CSTF3: variants seen among roughly 807,000 people sequenced by gnomAD.
The protein encoded by CSTF3 is CF-1 77 kDa subunit.
Under a neutral mutation model 105.8 loss-of-function variants are expected in CSTF3, and 29 were observed. That is an observed-to-expected ratio of 0.27 (90% CI 0.20 to 0.37). The LOEUF is 0.37. CSTF3 is among the 10% of genes least tolerant of loss of function. The pLI is 1.00. For synonymous variants in CSTF3, 252 were observed against 281.9 expected (o/e 0.89, Z 1.06); for missense variants, 357 against 879.3 (o/e 0.41, Z 7.51).
Position 33,161,445 on chromosome 11 carries a change from C to T in CSTF3, c.-120G>A, listed in dbSNP as rs1201815176. 1.0e-6 allele frequency: 1 copy of T among 1,003,394 alleles called. No individual in the cohort carries two copies. 62.2% of individuals were successfully genotyped at this position (1,003,394 alleles called of 1,614,324 possible). A position where few individuals can be genotyped will look rare whatever the true frequency, so the allele number is the denominator to read the frequency against. ...CCCCTGCCCAGCTGAGCCAGACCGCCAACACCAATCGCCACCGCCCACTCA... is the reference window on the plus strand; with the variant it reads ...CCCCTGCCCAGCTGAGCCAGACCGCTAACACCAATCGCCACCGCCCACTCA... On this transcript the variant is annotated 5_prime_UTR_variant, in exon 1 of 21. Transcript: ENST00000323959.
intron 3 of CSTF3, among the ~76,000 whole-genome samples, chr11:33,115,233 A>G (rs189829142): frequency 3.3e-5 from 5 of 152,298 alleles, no homozygotes; most frequent in Middle Eastern, 3.4e-3. Context: ...ACTTGTATTA[A>G]TTATCCAAAA....
intron 1 of CSTF3, among the ~76,000 whole-genome samples, chr11:33,145,155 G>A (rs935775023): frequency 4.6e-5 from 7 of 152,058 alleles, no homozygotes; most frequent in East Asian, 1.9e-4. Context: ...AAATGCAGCC[G>A]GATGCAGAGG....
At chr11:33,127,160 T>C (rs1855551807) in intron 3 of CSTF3, among the ~76,000 whole-genome samples, 1 of 152,198 alleles carries the variant, frequency 6.6e-6, no homozygotes, top group South Asian at 2.1e-4. Flanking sequence ...GACTTTACTA[T>C]TAATATGTGG....
intron 1 of CSTF3, among the ~76,000 whole-genome samples, chr11:33,150,057 A>ACAAC (rs3060635): frequency 1.4e-5 from 2 of 144,852 alleles, no homozygotes; most frequent in East Asian, 2.1e-4. Context: ...AACAACAACA[A>ACAAC]AACAAAAATT....
rs1243467768 is a variant in CSTF3, at chr11:33,099,274, C to T, written c.937-124G>A. ...CTAAGAAAGCATACATGTATGTACA[C>T]ACATATATATGTATCCACACACACA... On this transcript the variant is annotated intron_variant, in intron 11 of 20. Coordinates refer to ENST00000323959, the MANE Select transcript of CSTF3 (RefSeq NM_001326.3). This position sits in a 1 kb window ranked among gnomAD's most constrained non-coding sequence, Gnocchi z 4.1. 4 of 1,164,700 alleles carry T rather than the reference C, an allele frequency of 3.4e-6. No individual in the cohort carries two copies. Among genetic ancestry groups the T allele is most frequent in the Admixed American group, 5.6e-5 (2 of 35,814 alleles). 72.1% of individuals were successfully genotyped at this position (1,164,700 alleles called of 1,614,324 possible). A position where few individuals can be genotyped will look rare whatever the true frequency, so the allele number is the denominator to read the frequency against.
chr11:33,123,692 TA>T (rs150196327), intron 3 of CSTF3, among the ~76,000 whole-genome samples: 1 of 151,518 alleles, frequency 6.6e-6, no homozygotes, highest in Non-Finnish European at 1.5e-5. Flanking sequence ...ACTTTCTTAA[TA>T]AAAAAAAGGT....
At chr11:33,150,051 A>C (rs1320860931) in intron 1 of CSTF3, among the ~76,000 whole-genome samples, 1 of 149,120 alleles carries the variant, frequency 6.7e-6, no homozygotes, top group East Asian at 2.0e-4. Context: ...AACAACAACA[A>C]CAACAAAACA....
chr11:33,103,260 T>C, intron 8 of CSTF3, 76 bp from the exon 9 acceptor site: 1 of 623,512 alleles, frequency 1.6e-6, no homozygotes, highest in Non-Finnish European at 2.6e-6. Context: ...ATTTATTCAT[T>C]TACTAAATAA....
rs577727457 is a variant in CSTF3, at chr11:33,098,468, G to A, written c.1128+222C>T. 1.2e-4 allele frequency among the ~76,000 whole-genome samples: 18 copies of A among 152,270 alleles called. No individual in the cohort carries two copies. The South Asian group carries it at 2.9e-3, about 25-fold the overall frequency. On this transcript the variant is annotated intron_variant, in intron 13 of 20. Coordinates refer to ENST00000323959, the MANE Select transcript of CSTF3 (RefSeq NM_001326.3). ...AGTAATTGTCAGAGGTAAGGGCAGA[G>A]GGAAGGGTTATATCTACAAAGGGGT...
intron 3 of CSTF3, among the ~76,000 whole-genome samples, chr11:33,110,016 CAG>C (rs766246830): frequency 3.9e-5 from 6 of 152,146 alleles, no homozygotes; most frequent in Non-Finnish European, 7.3e-5. Context: ...TTTTAGACTC[CAG>C]AGTTTTTAAT....
intron 3 of CSTF3, among the ~76,000 whole-genome samples, chr11:33,130,820 A>C (rs887839748): frequency 4.6e-5 from 7 of 151,978 alleles, no homozygotes; most frequent in Non-Finnish European, 8.8e-5. Context: ...AAAATACAAA[A>C]TTTTGTTATT....
intron 1 of CSTF3, among the ~76,000 whole-genome samples, chr11:33,148,166 T>A (rs1855807512): frequency 6.6e-6 from 1 of 152,070 alleles, no homozygotes; most frequent in African/African-American, 2.4e-5. Flanking sequence ...GAATCTGATA[T>A]CCAACCAAGC....
At chr11:33,089,809 A>G (rs1855147756) in intron 17 of CSTF3, among the ~76,000 whole-genome samples, 1 of 152,208 alleles carries the variant, frequency 6.6e-6, no homozygotes, top group Non-Finnish European at 1.5e-5. Flanking sequence ...TCAACCAAGG[A>G]CTTCTCTGTG....
chr11:33,118,684 C>T (rs1338531288), intron 3 of CSTF3, among the ~76,000 whole-genome samples: 3 of 151,034 alleles, frequency 2.0e-5, no homozygotes, highest in African/African-American at 7.3e-5. Flanking sequence ...GAAATGTGTA[C>T]AATCATTTGA....
At chr11:33,127,825 C>T (rs900723792) in intron 3 of CSTF3, among the ~76,000 whole-genome samples, 2 of 152,160 alleles carry the variant, frequency 1.3e-5, no homozygotes, top group African/African-American at 4.8e-5. Context: ...CTGTTTAAAA[C>T]TAAGTTTCAG....
chr11:33,130,916 C>T (rs1855591993), intron 3 of CSTF3, among the ~76,000 whole-genome samples: 1 of 152,160 alleles, frequency 6.6e-6, no homozygotes, highest in Admixed American at 6.6e-5. Flanking sequence ...GTATTCCCAG[C>T]TACTCTGGAG....
At chr11:33,116,496 C>T (rs1855432186) in intron 3 of CSTF3, among the ~76,000 whole-genome samples, 1 of 151,912 alleles carries the variant, frequency 6.6e-6, no homozygotes, top group Non-Finnish European at 1.5e-5. Flanking sequence ...GGAGTCTGTA[C>T]AAGTCAATGA....
At chr11:33,151,874 T>C (rs923360445) in intron 1 of CSTF3, among the ~76,000 whole-genome samples, 36 of 152,214 alleles carry the variant, frequency 2.4e-4, no homozygotes, top group Admixed American at 2.4e-3. Context: ...ATCTTTTTTA[T>C]TACAGCCATC....
At chr11:33,120,492 A>C (rs867427402) in intron 3 of CSTF3, among the ~76,000 whole-genome samples, 1 of 151,974 alleles carries the variant, frequency 6.6e-6, no homozygotes, top group Non-Finnish European at 1.5e-5. Context: ...TCAGGTTTCA[A>C]TCACTTGATA....
Sources: gnomAD v4.1 joint callset for allele counts (sites outside exome capture counted in the v4.1 genomes callset) on GRCh38, gnomAD v4.1.1 for gene constraint, Gnocchi (gnomAD v3.1) non-coding constraint, MANE v1.5 for transcripts, NCBI Gene and HGNC (gene_info 2026-07-23, HGNC 2026-07-21) for gene names.